The following PTH2R variants were observed in gnomAD, a reference collection of about 807,000 sequenced individuals.
PTH2R encodes the protein parathyroid hormone 2 receptor, also known as PTH2 receptor.
PTH2R carries 59 observed loss-of-function variants against 60.3 expected under a neutral mutation model. The observed-to-expected ratio is 0.98, with a 90% CI of 0.79 to 1.22. PTH2R has a LOEUF of 1.22. Ranked by LOEUF, PTH2R falls within the 50% of genes most tolerant of loss-of-function variation. The pLI, the probability that PTH2R is intolerant of heterozygous loss-of-function variation, is 0.00. For missense variants in PTH2R, 749 were observed against 682.6 expected, an observed-to-expected ratio of 1.10 and a Z score of -1.08; for synonymous variants, 256 against 243.8, an observed-to-expected ratio of 1.05 and a Z score of -0.47.
chr2:208,440,449 T>A (rs1047933569), intron 4 of PTH2R, among the ~76,000 whole-genome samples: 1 of 152,204 alleles, frequency 6.6e-6, no homozygotes, highest in African/African-American at 2.4e-5. Context: ...ATATTTTTTT[T>A]AAAAGAAACA....
rs146363589 is a variant in PTH2R at position 208,407,051 on chromosome 2, G to A, written c.8G>A (p.Gly3Glu). The change falls in exon 1 of 13, where the codon GGG becomes GAG. Residue 3 changes from glycine (G) to glutamate (E), a missense_variant. Transcript: ENST00000272847. Reference sequence around the variant, plus strand: ...CCTACAGCCGTTCCGGGCATGGCCGGGCTGGGGGCGTCGCTCCACGTCTGG... The same window carrying A: ...CCTACAGCCGTTCCGGGCATGGCCGAGCTGGGGGCGTCGCTCCACGTCTGG... MA[G>E]LGASLHVWGW... 6.5e-6 allele frequency: 9 copies of A among 1,394,522 alleles called. No homozygotes were observed. Among genetic ancestry groups the A allele is most frequent in the Non-Finnish European group, 8.4e-6 (9 of 1,067,950 alleles). The allele number at this position is 1,394,522 out of a possible 1,614,324, so 86.4% of individuals were successfully genotyped here.
At chr2:208,481,032 C>A (rs770765774) in intron 9 of PTH2R, 38 bp from the exon 10 acceptor site, 37 of 1,377,462 alleles carry the variant, frequency 2.7e-5, no homozygotes, top group Non-Finnish European at 3.6e-5. Context: ...ATCTTGAAGA[C>A]TAACAATAAT....
At chr2:208,446,433 C>T (rs2105874859) in intron 7 of PTH2R, among the ~76,000 whole-genome samples, 1 of 152,330 alleles carries the variant, frequency 6.6e-6, no homozygotes, top group Non-Finnish European at 1.5e-5. Flanking sequence ...GAAATGACAA[C>T]TACAATAGAA....
exon 1 of PTH2R, chr2:208,360,044 G>A (rs984112016): frequency 5.7e-6 from 2 of 352,776 alleles, no homozygotes; most frequent in Admixed American, 3.3e-5. Flanking sequence ...GGTCGGAGAG[G>A]AATTATCTGA....
At chr2:208,366,666 T>C (rs139855701) in intron 1 of PTH2R, among the ~76,000 whole-genome samples, 7 of 152,354 alleles carry the variant, frequency 4.6e-5, no homozygotes, top group Middle Eastern at 3.4e-3. Context: ...CTGTACTGCA[T>C]TGAGGTAAGG....
In PTH2R at chr2:208,429,229, G is replaced by C. The variant is rs11900814; in HGVS notation, c.178+926G>C. On this transcript the variant is annotated intron_variant, in intron 2 of 12. Transcript: ENST00000272847. The stretch of plus-strand genomic sequence containing the variant: ...AGTGTCCACTAGATTAAGCTTGTTA[G>C]TTGTGTGGTTCATATATTCTGCATC... 7.4e-3 allele frequency among the ~76,000 whole-genome samples: 1,120 copies of C among 151,756 alleles called. 11 individuals are homozygous for C. Among genetic ancestry groups the C allele is most frequent in the African/African-American group, 0.026 (1,058 of 41,116 alleles).
Position 208,406,888 on chromosome 2 carries a change from C to A in PTH2R, c.-156C>A. On this transcript the variant is annotated 5_prime_UTR_variant, in exon 1 of 13. Transcript: ENST00000272847. ...GAAGCGCGTGGCTCCGGCGACAAGA[C>A]CCCAAGCACCCTCGGCCGGTGGCCC... is the stretch of plus-strand genomic sequence containing the variant. 2.0e-6 allele frequency: 1 copy of A among 503,640 alleles called. No individual in the cohort carries two copies. The highest frequency in any genetic ancestry group is 2.0e-5 in the African/African-American group (1 of 51,174). 31.2% of individuals were successfully genotyped at this position (503,640 alleles called of 1,614,324 possible).
At chr2:208,381,873 T>C (rs919407677) in intron 1 of PTH2R, among the ~76,000 whole-genome samples, 3 of 152,050 alleles carry the variant, frequency 2.0e-5, no homozygotes, top group East Asian at 1.9e-4. Context: ...CAAACAGATA[T>C]CATATAAAGG....
chr2:208,453,887 TA>T lies in PTH2R; in HGVS notation c.914+3079del, dbSNP rs1702457694. Among the ~76,000 whole-genome samples the T allele has an allele frequency of 2.6e-5, 4 of 152,224 alleles. No individual in the cohort carries two copies. The South Asian group carries it at 6.2e-4, about 24-fold the overall frequency. ...CAAATTTTAGACAAACAATAAATGTTACCTTCATTGTGCGTAAAGAAACAGT... is the reference window on the plus strand; with the variant it reads ...CAAATTTTAGACAAACAATAAATGTTCCTTCATTGTGCGTAAAGAAACAGT... On this transcript the variant is annotated intron_variant, in intron 8 of 12. Transcript: ENST00000272847.
chr2:208,371,279 C>T (rs932627551), intron 1 of PTH2R, among the ~76,000 whole-genome samples: 3 of 152,136 alleles, frequency 2.0e-5, no homozygotes, highest in East Asian at 1.9e-4. Context: ...CTTATCTGAC[C>T]GAAAGCAGAC....
At chr2:208,419,255 A>C (rs568732602) in intron 1 of PTH2R, among the ~76,000 whole-genome samples, 1 of 152,072 alleles carries the variant, frequency 6.6e-6, no homozygotes, top group Non-Finnish European at 1.5e-5. Flanking sequence ...TTTGATTTGC[A>C]TTTCTCTGAT....
chr2:208,387,008 A>T (rs1007024734), intron 1 of PTH2R, among the ~76,000 whole-genome samples: 1 of 152,182 alleles, frequency 6.6e-6, no homozygotes, highest in Non-Finnish European at 1.5e-5. Flanking sequence ...GTTTAATGCC[A>T]ATTTTAATCT....
In PTH2R at chr2:208,437,628, T is replaced by A; in HGVS notation, c.270T>A (p.Ile90=). 6.2e-7 allele frequency: 1 copy of A among 1,612,902 alleles called. No homozygotes were observed. The highest frequency in any genetic ancestry group is 8.5e-7 in the Non-Finnish European group (1 of 1,179,500). The change falls in exon 3 of 13, where the codon ATT becomes ATA. Residue 90 remains isoleucine (I), a synonymous_variant. Coordinates refer to ENST00000272847, the MANE Select transcript of PTH2R (RefSeq NM_005048.4). ...KISAVPCPPY[I]YDFNHKGVAF... is the part of the protein sequence containing the mutation. ...CGGCTGTTCCATGCCCTCCTTATATTTATGACTTCAACCATAAAGGTATTG... is the reference window on the plus strand; with the variant it reads ...CGGCTGTTCCATGCCCTCCTTATATATATGACTTCAACCATAAAGGTATTG...
At chr2:208,473,927 T>C (rs1702939655) in intron 9 of PTH2R, among the ~76,000 whole-genome samples, 1 of 152,158 alleles carries the variant, frequency 6.6e-6, no homozygotes, top group Non-Finnish European at 1.5e-5. Flanking sequence ...TATAGGGTTT[T>C]GGAGCTGGGG....
chr2:208,493,323 G>A lies in PTH2R; in HGVS notation c.1317G>A (p.Arg439=). ...GGAACCTCTCCGTGGACTGGAAAAG[G>A]ACACCGCCATGTGGCAGCCGCAGAT... ...SRWNLSVDWK[R]TPPCGSRRCG... Residue 439 remains arginine, a synonymous_variant, in exon 13 of 13, where the codon AGG becomes AGA. Coordinates refer to ENST00000272847, the MANE Select transcript of PTH2R (RefSeq NM_005048.4). 6.4e-7 allele frequency: 1 copy of A among 1,551,742 alleles called. No individual in the cohort carries two copies. The highest frequency in any genetic ancestry group is 1.4e-5 in the African/African-American group (1 of 73,300).
intron 9 of PTH2R, among the ~76,000 whole-genome samples, chr2:208,460,827 A>T (rs1052708541): frequency 2.6e-5 from 4 of 152,194 alleles, no homozygotes; most frequent in Non-Finnish European, 5.9e-5. Context: ...ATAAATGTTA[A>T]ATTAGAAAAC....
chr2:208,385,155 CT>C (rs1189741216), intron 1 of PTH2R, among the ~76,000 whole-genome samples: 1 of 151,788 alleles, frequency 6.6e-6, no homozygotes, highest in African/African-American at 2.4e-5. Flanking sequence ...TTTGTAGTAC[CT>C]TTCTTTAAAA....
At chr2:208,441,772 C>G (rs192991549) in intron 4 of PTH2R, among the ~76,000 whole-genome samples, 2 of 152,240 alleles carry the variant, frequency 1.3e-5, no homozygotes, top group Admixed American at 1.3e-4. Context: ...TACATATGAT[C>G]AAATGACATA....
intron 4 of PTH2R, 111 bp from the exon 5 acceptor site, chr2:208,442,252 TA>T: frequency 1.2e-6 from 1 of 819,336 alleles, no homozygotes; most frequent in Non-Finnish European, 2.0e-6. Flanking sequence ...AATTACAGCT[TA>T]AAAAAGTTAA....
Sources: gnomAD v4.1 joint callset for allele counts (sites outside exome capture counted in the v4.1 genomes callset) on GRCh38, gnomAD v4.1.1 for gene constraint, MANE v1.5 for transcripts, NCBI Gene and HGNC (gene_info 2026-07-23, HGNC 2026-07-21) for gene names.